The following RUVBL1 variants were observed in gnomAD, a reference collection of about 807,000 sequenced individuals.
RUVBL1 encodes RuvB like AAA ATPase 1.
A neutral mutation model predicts 52.4 loss-of-function variants in RUVBL1; 4 were observed. That is an observed-to-expected ratio of 0.08 (90% CI 0.04 to 0.17). The LOEUF (loss-of-function observed/expected upper bound fraction) is 0.17, where lower values mean the gene tolerates loss of function less well. Ranked by LOEUF, RUVBL1 falls within the 10% of genes least tolerant of loss-of-function variation. RUVBL1 has a pLI of 1.00. For missense variants in RUVBL1, 298 were observed against 572.8 expected (o/e 0.52, Z 4.90); for synonymous variants, 217 against 214.4 (o/e 1.01, Z -0.10).
At chr3:128,110,389 T>A (rs1457309614) in intron 3 of RUVBL1, among the ~76,000 whole-genome samples, 1 of 152,092 alleles carries the variant, frequency 6.6e-6, no homozygotes, top group Non-Finnish European at 1.5e-5. Context: ...CCCAGCTACT[T>A]GGGAGGCTGA....
chr3:128,090,138 T>C (rs972781785), intron 8 of RUVBL1, among the ~76,000 whole-genome samples: 2 of 152,126 alleles, frequency 1.3e-5, no homozygotes, highest in Non-Finnish European at 2.9e-5. Context: ...TAAAAATGGT[T>C]AAAATGGCAA....
chr3:128,126,301 T>G (rs1045663034), upstream of RUVBL1, among the ~76,000 whole-genome samples: 1 of 152,002 alleles, frequency 6.6e-6, no homozygotes, highest in Non-Finnish European at 1.5e-5. Flanking sequence ...ATCCCAGCAC[T>G]CTGGGAGGCC....
intron 1 of RUVBL1, among the ~76,000 whole-genome samples, chr3:128,138,431 A>G (rs1943976580): frequency 6.6e-6 from 1 of 152,172 alleles, no homozygotes; most frequent in Non-Finnish European, 1.5e-5. Flanking sequence ...AACAGTCTGA[A>G]AAAGAAATCA....
intron 8 of RUVBL1, among the ~76,000 whole-genome samples, chr3:128,088,925 A>G (rs1393812157): frequency 1.3e-5 from 2 of 152,214 alleles, no homozygotes; most frequent in African/African-American, 4.8e-5. Flanking sequence ...GCATTTCCTT[A>G]GCAACTGTTG....
intron 1 of RUVBL1, among the ~76,000 whole-genome samples, chr3:128,130,629 G>GTATTTATT (rs900117784): frequency 7.8e-4 from 17 of 21,868 alleles, no homozygotes; most frequent in Admixed American, 5.2e-3. Context: ...ATTTATTTAT[G>GTATTTATT]TATTTATTTA....
At chr3:128,099,208 T>C (rs1943059134) in intron 6 of RUVBL1, among the ~76,000 whole-genome samples, 1 of 152,182 alleles carries the variant, frequency 6.6e-6, no homozygotes, top group South Asian at 2.1e-4. Context: ...TCCAACCCCT[T>C]GTTCCTTGAT....
rs140886155 is a variant in RUVBL1 at position 128,111,581 on chromosome 3, C to G, written c.361+1307G>C. Among the ~76,000 whole-genome samples, 34 of 152,304 alleles carry G rather than the reference C, an allele frequency of 2.2e-4. 1 individual carries two copies. The highest frequency in any genetic ancestry group is 9.1e-4 in the Admixed American group (14 of 15,304). On this transcript the variant is annotated intron_variant, in intron 3 of 10. Coordinates refer to ENST00000322623, the MANE Select transcript of RUVBL1 (RefSeq NM_003707.3). ...TGGTCCAAGCCACTATTTTGTCCTG[C>G]TCAGACTCCTCTCTGCCCTCACCCT...
At chr3:128,140,187 A>T (rs759237218) in intron 1 of RUVBL1, among the ~76,000 whole-genome samples, 128 of 133,862 alleles carry the variant, frequency 9.6e-4, no homozygotes, top group Admixed American at 6.7e-3. Context: ...AAAAATTTTT[A>T]AAAACTTCCT....
At chr3:128,151,195 CTATA>C (rs1178588654) in intron 1 of RUVBL1, among the ~76,000 whole-genome samples, 2 of 131,136 alleles carry the variant, frequency 1.5e-5, no homozygotes, top group Non-Finnish European at 3.1e-5. Flanking sequence ...TATATATACT[CTATA>C]TATTCTATAT....
downstream of RUVBL1, chr3:128,079,142 G>A (rs1461797678): frequency 6.6e-6 from 1 of 152,304 alleles, no homozygotes; most frequent in Non-Finnish European, 1.5e-5. Flanking sequence ...TAAACAGCAT[G>A]AAAGGCTTGG....
At chr3:128,147,180 G>A (rs1254024304) in intron 1 of RUVBL1, among the ~76,000 whole-genome samples, 1 of 152,018 alleles carries the variant, frequency 6.6e-6, no homozygotes, top group African/African-American at 2.4e-5. Flanking sequence ...AGGGATCCGC[G>A]CACCTCAGCC....
chr3:128,081,151 G>C lies in RUVBL1; in HGVS notation c.*99C>G. ...TGACAGCGCTGCAGACCACGCCTGA[G>C]TGGGGACGGCAGCCCCAAGCCCAGG... On this transcript the variant is annotated 3_prime_UTR_variant, in exon 11 of 11. Coordinates refer to ENST00000322623, the MANE Select transcript of RUVBL1 (RefSeq NM_003707.3). The surrounding 1 kb of genome is among the most constrained non-coding windows in gnomAD (Gnocchi z 4.8). The C allele has an allele frequency of 5.5e-6, 7 of 1,266,754 alleles. No individual in the cohort carries two copies. The South Asian group carries it at 6.9e-5, about 13-fold the overall frequency. 78.5% of individuals were successfully genotyped at this position (1,266,754 alleles called of 1,614,324 possible).
intron 9 of RUVBL1, among the ~76,000 whole-genome samples, chr3:128,086,723 G>A (rs1197593552): frequency 2.6e-5 from 4 of 152,226 alleles, no homozygotes; most frequent in Admixed American, 2.6e-4. Context: ...TGGAATACCT[G>A]GAAATACCAT....
At chr3:128,148,178 T>C (rs1016510914) in intron 1 of RUVBL1, among the ~76,000 whole-genome samples, 2 of 152,040 alleles carry the variant, frequency 1.3e-5, no homozygotes, top group African/African-American at 4.8e-5. Context: ...GGTGATTACC[T>C]GATATCATGC....
At chr3:128,143,387 G>A (rs1944060062) in intron 1 of RUVBL1, among the ~76,000 whole-genome samples, 1 of 151,808 alleles carries the variant, frequency 6.6e-6, no homozygotes, top group African/African-American at 2.4e-5. Flanking sequence ...TGGTCAGGCT[G>A]GTCTCAAACT....
chr3:128,090,328 G>A (rs1349570896), intron 8 of RUVBL1, among the ~76,000 whole-genome samples: 1 of 152,184 alleles, frequency 6.6e-6, no homozygotes, highest in Non-Finnish European at 1.5e-5. Context: ...TCAGGAGATT[G>A]AGACCACGGT....
intron 1 of RUVBL1, among the ~76,000 whole-genome samples, chr3:128,150,783 T>C (rs1273156307): frequency 2.4e-5 from 2 of 83,688 alleles, no homozygotes; most frequent in African/African-American, 4.6e-5. Context: ...ATATATTCTA[T>C]ATATATTCTA....
chr3:128,117,764 C>T (rs1461069134), intron 2 of RUVBL1, among the ~76,000 whole-genome samples: 1 of 151,964 alleles, frequency 6.6e-6, no homozygotes, highest in African/African-American at 2.4e-5. Context: ...AGACATAATA[C>T]TCAGATTCAA....
chr3:128,132,000 T>G (rs756932648), intron 1 of RUVBL1, among the ~76,000 whole-genome samples: 1 of 151,670 alleles, frequency 6.6e-6, no homozygotes, highest in Non-Finnish European at 1.5e-5. Context: ...CTAAAGAGAG[T>G]AGGAAAGACA....
Sources: gnomAD v4.1 joint callset for allele counts (sites outside exome capture counted in the v4.1 genomes callset) on GRCh38, gnomAD v4.1.1 for gene constraint, Gnocchi (gnomAD v3.1) non-coding constraint, MANE v1.5 for transcripts, NCBI Gene and HGNC (gene_info 2026-07-23, HGNC 2026-07-21) for gene names.